The following CDC14A variants were observed in gnomAD, a reference collection of about 807,000 sequenced individuals.
CDC14A encodes the protein cell division cycle 14A, also known as dual specificity protein phosphatase CDC14A.
In CDC14A, 53 loss-of-function variants were observed where a neutral mutation model predicts 74.4. The observed-to-expected ratio is 0.71, with a 90% CI of 0.57 to 0.89. The LOEUF (loss-of-function observed/expected upper bound fraction) is 0.89. Ranked by LOEUF, CDC14A falls within the 40% of genes least tolerant of loss-of-function variation. The pLI, the probability that CDC14A is intolerant of heterozygous loss-of-function variation, is 0.00. For synonymous variants in CDC14A, 247 were observed against 258.4 expected (o/e 0.96, Z 0.43); for missense variants, 646 against 713.7 (o/e 0.91, Z 1.08).
intron 15 of CDC14A, among the ~76,000 whole-genome samples, chr1:100,500,041 T>C (rs918227429): frequency 6.6e-6 from 1 of 152,206 alleles, no homozygotes; most frequent in Non-Finnish European, 1.5e-5. Flanking sequence ...GTAAACTCTG[T>C]TGGTAAACTC....
In CDC14A at chr1:100,365,337, A is replaced by G. The variant is rs146424282; in HGVS notation, c.140+11485A>G. On this transcript the variant is annotated intron_variant, in intron 2 of 15. Coordinates refer to ENST00000336454, the MANE Select transcript of CDC14A (RefSeq NM_003672.4). ...TGAGAGGACAGACAGAACAGAGAAC[A>G]TCAAATAGGGCAAGTAGACCTTGAG... is the stretch of plus-strand genomic sequence containing the variant. Among the ~76,000 whole-genome samples, 36 of 152,374 alleles carry G rather than the reference A, an allele frequency of 2.4e-4. No homozygotes were observed. In the East Asian group the frequency reaches 5.2e-3, roughly 22 times the overall value.
At chr1:100,372,562 A>G (rs1654630884) in intron 2 of CDC14A, among the ~76,000 whole-genome samples, 2 of 152,254 alleles carry the variant, frequency 1.3e-5, no homozygotes, top group Non-Finnish European at 2.9e-5. Flanking sequence ...AGGTGTGAGC[A>G]TGATAAAGTT....
In CDC14A at chr1:100,468,051, C is replaced by T. The variant is rs148737918; in HGVS notation, c.934C>T (p.Arg312Trp). Residue 312 changes from arginine (R) to tryptophan (W), a missense_variant, in exon 10 of 16, where the codon CGG becomes TGG. Coordinates refer to ENST00000336454, the MANE Select transcript of CDC14A (RefSeq NM_003672.4). ...AEIIAWIRIC[R>W]PGSIIGPQQH... is the part of the protein sequence containing the mutation. ...AATAATTGCTTGGATTAGAATATGC[C>T]GGCCAGGCTCTATTATAGGACCCCA... 11 of 1,613,084 alleles carry T rather than the reference C, an allele frequency of 6.8e-6. No homozygotes were observed. The highest frequency in any genetic ancestry group is 2.2e-5 in the East Asian group (1 of 44,812).
At chr1:100,459,124 C>G (rs542136718) in intron 8 of CDC14A, among the ~76,000 whole-genome samples, 2,359 of 146,460 alleles carry the variant, frequency 0.016, 79 homozygotes, top group African/African-American at 0.057. Flanking sequence ...CACACACACA[C>G]ACAGAGAGAG....
At chr1:100,361,835 G>A (rs948100593) in intron 2 of CDC14A, among the ~76,000 whole-genome samples, 3 of 152,174 alleles carry the variant, frequency 2.0e-5, no homozygotes, top group African/African-American at 7.2e-5. Context: ...ACTTTAGGAC[G>A]AGTGCTGCCA....
chr1:100,455,065 T>C (rs1352946931), intron 7 of CDC14A, among the ~76,000 whole-genome samples: 1 of 144,880 alleles, frequency 6.9e-6, no homozygotes, highest in Admixed American at 6.6e-5. Flanking sequence ...AGTTTTCATA[T>C]TTCCCATTTT....
chr1:100,464,663 A>G (rs996937096), intron 9 of CDC14A, among the ~76,000 whole-genome samples: 11 of 152,150 alleles, frequency 7.2e-5, no homozygotes, highest in African/African-American at 2.7e-4. Flanking sequence ...TTTTATTATT[A>G]CTACGTCGTA....
chr1:100,364,186 T>G (rs555053972), intron 2 of CDC14A, among the ~76,000 whole-genome samples: 1 of 152,166 alleles, frequency 6.6e-6, no homozygotes, highest in South Asian at 2.1e-4. Flanking sequence ...GACTTCATCA[T>G]TATGGATGAT....
rs1666690424 is a variant in CDC14A, at chr1:100,456,416, A to G, written c.607+924A>G. On this transcript the variant is annotated intron_variant, in intron 8 of 15. Transcript: ENST00000336454. Reference sequence around the variant, plus strand: ...AGTACATAAAATTGAAAAAATATCCATGAACAAAATATCCCCCCCCCTTTT... The same window carrying G: ...AGTACATAAAATTGAAAAAATATCCGTGAACAAAATATCCCCCCCCCTTTT... Among the ~76,000 whole-genome samples the G allele has an allele frequency of 2.8e-5, 4 of 144,150 alleles. No individual in the cohort carries two copies. The South Asian group carries it at 8.4e-4, about 30-fold the overall frequency. 94.6% of individuals were successfully genotyped at this position (144,150 alleles called of 152,430 possible). A position where few individuals can be genotyped will look rare whatever the true frequency, so the allele number is the denominator to read the frequency against.
intron 15 of CDC14A, among the ~76,000 whole-genome samples, chr1:100,513,336 C>T (rs1157947552): frequency 2.0e-5 from 3 of 151,992 alleles, no homozygotes; most frequent in African/African-American, 7.2e-5. Flanking sequence ...TAAAACAAAC[C>T]ATTTTTATTT....
intron 2 of CDC14A, among the ~76,000 whole-genome samples, chr1:100,371,665 A>G (rs191698514): frequency 8.5e-4 from 129 of 152,340 alleles, no homozygotes; most frequent in Non-Finnish European, 1.5e-3. Context: ...ATCGTGATGC[A>G]TAAACTTTTT....
At chr1:100,474,457 G>A (rs1348690756) in intron 10 of CDC14A, among the ~76,000 whole-genome samples, 1 of 152,030 alleles carries the variant, frequency 6.6e-6, no homozygotes, top group African/African-American at 2.4e-5. Context: ...ATCTGGGCCT[G>A]GGGATTTCTT....
chr1:100,450,457 T>C (rs2026791), intron 7 of CDC14A, among the ~76,000 whole-genome samples: 43,554 of 151,986 alleles, frequency 0.29, 8,643 homozygotes, highest in African/African-American at 0.56. Context: ...CAAGCAGTCC[T>C]CAGAATGCAA....
intron 4 of CDC14A, among the ~76,000 whole-genome samples, chr1:100,417,938 G>A (rs1249849504): frequency 2.0e-5 from 3 of 152,182 alleles, no homozygotes; most frequent in Non-Finnish European, 4.4e-5. Context: ...GGTTACTTGA[G>A]CTCCAGAAGC....
At chr1:100,419,215 ACTGTG>A (rs1661944435) in intron 4 of CDC14A, among the ~76,000 whole-genome samples, 1 of 152,120 alleles carries the variant, frequency 6.6e-6, no homozygotes, top group Non-Finnish European at 1.5e-5. Context: ...AGAGAGACTG[ACTGTG>A]ACTGTGAAGA....
rs1571349042 is a variant in CDC14A, at chr1:100,499,153, GC to G, written c.1652del (p.Pro551GlnfsTer30). 2 of 1,614,050 alleles carry G rather than the reference GC, an allele frequency of 1.2e-6. No homozygotes were observed. Among genetic ancestry groups the G allele is most frequent in the African/African-American group, 1.3e-5 (1 of 74,992 alleles). On this transcript the variant is annotated frameshift_variant, in exon 15 of 16. Transcript: ENST00000336454. LOFTEE classifies it high-confidence loss of function. ...AACAGCAACGGGGGCAACCTGAACA[GC>G]CCCCCAGGCCCCCACAGCGCCAAGA... Reference protein sequence around the residue: ...SSNSNGGNLNSPPGPHSAKTE... With the variant: ...SSNSNGGNLNXPPGPHSAKTE...
chr1:100,353,144 C>A, intron 1 of CDC14A, 141 bp downstream of exon 1: 1 of 867,618 alleles, frequency 1.2e-6, no homozygotes, highest in Non-Finnish European at 1.9e-6. Flanking sequence ...AGGGACTCTC[C>A]TTTCTCCGAG....
At position 100,369,182 on chromosome 1, in the gene CDC14A, T is replaced by C. The variant is rs569646976; in HGVS notation, c.141-8364T>C. Among the ~76,000 whole-genome samples the C allele has an allele frequency of 1.1e-3, 165 of 151,634 alleles. 3 individuals are homozygous for C. The highest frequency in any genetic ancestry group is 1.9e-3 in the Non-Finnish European group (132 of 67,930). On this transcript the variant is annotated intron_variant, in intron 2 of 15. Transcript: ENST00000336454. ...ACCTCCGCCTCCTGGGTTCAAGCAA[T>C]TTTCCTGCCTCTGCCTCCTGGGTTC...
At chr1:100,394,792 A>G (rs1048189866) in intron 4 of CDC14A, among the ~76,000 whole-genome samples, 2 of 152,244 alleles carry the variant, frequency 1.3e-5, no homozygotes, top group African/African-American at 2.4e-5. Context: ...ACACGGAACT[A>G]AAAATTGGCA....
Sources: allele counts gnomAD v4.1 joint callset (sites outside exome capture counted in the v4.1 genomes callset), GRCh38; gene constraint gnomAD v4.1.1; transcripts MANE v1.5; gene names NCBI Gene and HGNC (gene_info 2026-07-23, HGNC 2026-07-21).